The following DLGAP2 variants were observed in gnomAD, a reference collection of about 807,000 sequenced individuals.
The protein encoded by DLGAP2 is disks large-associated protein 2.
In DLGAP2, 26 loss-of-function variants were observed where a neutral mutation model predicts 100.3. The observed-to-expected ratio is 0.26, with a 90% CI of 0.19 to 0.36. The LOEUF (loss-of-function observed/expected upper bound fraction) is 0.36. Ranked by LOEUF, DLGAP2 falls within the 10% of genes least tolerant of loss-of-function variation. DLGAP2 has a pLI of 1.00. For missense variants in DLGAP2, 1,858 were observed against 1,453.2 expected (o/e 1.28, Z -4.53); for synonymous variants, 886 against 630.1 (o/e 1.41, Z -6.08).
chr8:1,345,334 G>C (rs527916536), intron 3 of DLGAP2, among the ~76,000 whole-genome samples: 5 of 149,398 alleles, frequency 3.3e-5, no homozygotes, highest in Admixed American at 2.7e-4. Flanking sequence ...GTTTCTCTTC[G>C]CCAAACACAC....
At chr8:1,446,659 T>C (rs893120952) in intron 3 of DLGAP2, among the ~76,000 whole-genome samples, 12 of 152,220 alleles carry the variant, frequency 7.9e-5, no homozygotes, top group South Asian at 2.1e-4. Flanking sequence ...GGGGATGGCA[T>C]TGAATGTATA....
Position 1,561,805 on chromosome 8 carries a change from T to C in DLGAP2, c.1231-3878T>C, listed in dbSNP as rs374874007. On this transcript the variant is annotated intron_variant, in intron 5 of 14. Transcript: ENST00000637795. The stretch of plus-strand genomic sequence containing the variant: ...GGGGACTGTGTGGTGTTGGGGTGTC[T>C]GCACCTCGTTACTGGGGGACTGTGT... Among the ~76,000 whole-genome samples, 9 of 27,250 alleles carry C rather than the reference T, an allele frequency of 3.3e-4. No individual in the cohort carries two copies. In the South Asian group the frequency reaches 9.4e-3, roughly 28 times the overall value. 17.9% of individuals were successfully genotyped at this position (27,250 alleles called of 152,430 possible).
intron 2 of DLGAP2, among the ~76,000 whole-genome samples, chr8:1,112,424 T>TA: frequency 1.3e-5 from 2 of 152,196 alleles, no homozygotes; most frequent in Middle Eastern, 6.8e-3. Context: ...GTATTTTTAT[T>TA]AGAGACATGG....
intron 3 of DLGAP2, among the ~76,000 whole-genome samples, chr8:1,479,568 T>G (rs530086500): frequency 1.8e-4 from 27 of 152,334 alleles, no homozygotes; most frequent in African/African-American, 6.5e-4. Flanking sequence ...AGGGGAAGGC[T>G]GTGCGTTTCA....
chr8:1,149,396 C>A (rs1796660635), intron 2 of DLGAP2, among the ~76,000 whole-genome samples: 1 of 152,144 alleles, frequency 6.6e-6, no homozygotes, highest in Non-Finnish European at 1.5e-5. Flanking sequence ...ATCCGCTCAC[C>A]TCGGCCTCCC....
chr8:931,281 C>T (rs959571401), intron 2 of DLGAP2, among the ~76,000 whole-genome samples: 4 of 152,160 alleles, frequency 2.6e-5, no homozygotes, highest in African/African-American at 9.7e-5. Context: ...AAGTGGTTTC[C>T]AGTTATGTCC....
intron 2 of DLGAP2, among the ~76,000 whole-genome samples, chr8:1,233,651 G>A (rs1437181164): frequency 6.6e-6 from 1 of 152,156 alleles, no homozygotes; most frequent in Non-Finnish European, 1.5e-5. Flanking sequence ...GCTAAGCTTC[G>A]TTTGTGTTTT....
At chr8:788,598 TC>T (rs1446748597) in intron 1 of DLGAP2, among the ~76,000 whole-genome samples, 10 of 152,242 alleles carry the variant, frequency 6.6e-5, no homozygotes, top group Admixed American at 6.5e-4. Context: ...AAATATTTTT[TC>T]TTAAGGTGAA....
intron 3 of DLGAP2, among the ~76,000 whole-genome samples, chr8:1,350,154 C>G (rs1801674097): frequency 6.6e-6 from 1 of 152,204 alleles, no homozygotes; most frequent in Admixed American, 6.5e-5. Flanking sequence ...ACATCCCCGA[C>G]TACTTCATGC....
At chr8:1,537,329 T>C (rs1007669429) in intron 4 of DLGAP2, among the ~76,000 whole-genome samples, 1 of 151,982 alleles carries the variant, frequency 6.6e-6, no homozygotes, top group African/African-American at 2.4e-5. Flanking sequence ...GTGTGGTGAG[T>C]GTGTGTTGGG....
intron 3 of DLGAP2, among the ~76,000 whole-genome samples, chr8:1,423,146 A>G (rs1409403134): frequency 6.6e-6 from 1 of 152,256 alleles, no homozygotes; most frequent in Non-Finnish European, 1.5e-5. Context: ...ATGAACCACA[A>G]CAGCTAAAGC....
chr8:1,181,819 G>A (rs1325272794), intron 2 of DLGAP2, among the ~76,000 whole-genome samples: 1 of 152,156 alleles, frequency 6.6e-6, no homozygotes, highest in African/African-American at 2.4e-5. Flanking sequence ...CACGCAGAAG[G>A]CTATGAGTGA....
At chr8:1,364,057 T>C (rs999490333) in intron 3 of DLGAP2, among the ~76,000 whole-genome samples, 1 of 152,160 alleles carries the variant, frequency 6.6e-6, no homozygotes, top group African/African-American at 2.4e-5. Context: ...GGGGTCTTCC[T>C]CACTCCTGCC....
At chr8:1,304,617 A>G (rs563140831) in intron 3 of DLGAP2, among the ~76,000 whole-genome samples, 2 of 152,346 alleles carry the variant, frequency 1.3e-5, no homozygotes, top group African/African-American at 4.8e-5. Flanking sequence ...TAATCCAATA[A>G]TAATTAAATT....
At chr8:1,514,004 C>T (rs940148303) in intron 4 of DLGAP2, among the ~76,000 whole-genome samples, 11 of 152,206 alleles carry the variant, frequency 7.2e-5, no homozygotes, top group African/African-American at 2.4e-4. Context: ...CCTCCCCTTC[C>T]CGGGTTATCT....
chr8:1,360,284 CGGGG>C (rs1801953147), intron 3 of DLGAP2, among the ~76,000 whole-genome samples: 1 of 18,068 alleles, frequency 5.5e-5, no homozygotes. Context: ...TTCTCTGGGG[CGGGG>C]CTTCTCCGGG....
At chr8:908,747 C>T (rs958040647) in intron 2 of DLGAP2, among the ~76,000 whole-genome samples, 3 of 152,142 alleles carry the variant, frequency 2.0e-5, no homozygotes, top group Non-Finnish European at 4.4e-5. Context: ...ATGCCTCTTT[C>T]GTGTGAGGGG....
Position 1,678,294 on chromosome 8 carries a change from T to TCAC in DLGAP2, c.2373_2375dup (p.Thr792dup), listed in dbSNP as rs200151488. The TCAC allele has an allele frequency of 0.044, 71,408 of 1,613,888 alleles. 1,757 individuals carry two copies. The highest frequency in any genetic ancestry group is 0.048 in the Non-Finnish European group (56,912 of 1,179,864). On this transcript the variant is annotated inframe_insertion, in exon 12 of 15. Coordinates refer to ENST00000637795, the MANE Select transcript of DLGAP2 (RefSeq NM_001346810.2). ...GAGCTGGAGGGGTTCCCAGGCCACA[T>TCAC]CACCACGGAGGACAAAGGCCTTCAG...
At chr8:1,214,563 C>G (rs533140690) in intron 2 of DLGAP2, among the ~76,000 whole-genome samples, 2 of 152,346 alleles carry the variant, frequency 1.3e-5, no homozygotes, top group South Asian at 2.1e-4. Context: ...GAGTAACCTT[C>G]TCACACGGCC....
Sources: gnomAD v4.1 joint callset for allele counts (sites outside exome capture counted in the v4.1 genomes callset) on GRCh38, gnomAD v4.1.1 for gene constraint, MANE v1.5 for transcripts, NCBI Gene and HGNC (gene_info 2026-07-23, HGNC 2026-07-21) for gene names.